TNS3: variants seen among roughly 807,000 people sequenced by gnomAD.
TNS3 encodes the protein tensin-3.
A neutral mutation model predicts 140.9 loss-of-function variants in TNS3; 45 were observed. That is an observed-to-expected ratio of 0.32 (90% CI 0.25 to 0.41). The LOEUF (loss-of-function observed/expected upper bound fraction) is 0.41, where lower values mean the gene tolerates loss of function less well. TNS3 is among the 10% of genes least tolerant of loss of function. TNS3 has a pLI of 1.00. For missense variants in TNS3, 1,716 were observed against 1,906.7 expected (o/e 0.90, Z 1.86); for synonymous variants, 815 against 788.4 (o/e 1.03, Z -0.56).
chr7:47,510,766 T>C (rs752859863), intron 2 of TNS3, among the ~76,000 whole-genome samples: 2 of 150,690 alleles, frequency 1.3e-5, no homozygotes, highest in African/African-American at 2.4e-5. Flanking sequence ...TCCCAGCTAC[T>C]TGGGAGGCTG....
chr7:47,340,036 C>A (rs886984379), intron 20 of TNS3, among the ~76,000 whole-genome samples: 7 of 116,030 alleles, frequency 6.0e-5, no homozygotes, highest in Non-Finnish European at 1.2e-4. Context: ...TATATGTATA[C>A]ATATGTGTAT....
At chr7:47,308,764 C>T (rs910011867) in intron 20 of TNS3, among the ~76,000 whole-genome samples, 1 of 152,184 alleles carries the variant, frequency 6.6e-6, no homozygotes, top group African/African-American at 2.4e-5. Context: ...TGATACTTTC[C>T]TCTCTTGCTC....
intron 20 of TNS3, among the ~76,000 whole-genome samples, chr7:47,339,012 C>T (rs1001715559): frequency 5.9e-5 from 9 of 152,160 alleles, no homozygotes; most frequent in Middle Eastern, 3.4e-3. Flanking sequence ...TGTTGTTTTT[C>T]GACTTTTTAA....
intron 4 of TNS3, among the ~76,000 whole-genome samples, chr7:47,473,710 T>C (rs1203784826): frequency 6.6e-6 from 1 of 152,168 alleles, no homozygotes; most frequent in Non-Finnish European, 1.5e-5. Flanking sequence ...CACTGCAGGC[T>C]GGGGCCGGCA....
At chr7:47,427,296 G>GT (rs1269902865) in intron 9 of TNS3, among the ~76,000 whole-genome samples, 1 of 152,100 alleles carries the variant, frequency 6.6e-6, no homozygotes, top group African/African-American at 2.4e-5. Context: ...CACCAAGAGG[G>GT]TATCTGATTT....
At position 47,427,614 on chromosome 7, in the gene TNS3, T is replaced by C. The variant is rs142688157; in HGVS notation, c.389+698A>G. ...CCACAGCTGCCCAGGGCCAGAAGGA[T>C]GGGCATAGGGCTGAGGTCCTTGTGG... On this transcript the variant is annotated intron_variant, in intron 9 of 30. Transcript: ENST00000311160. Among the ~76,000 whole-genome samples, 453 of 152,340 alleles carry C rather than the reference T, an allele frequency of 3.0e-3. 1 individual carries two copies. The highest frequency in any genetic ancestry group is 0.01 in the African/African-American group (429 of 41,570).
intron 20 of TNS3, among the ~76,000 whole-genome samples, chr7:47,310,823 G>A (rs1474815902): frequency 6.6e-6 from 1 of 152,200 alleles, no homozygotes; most frequent in Non-Finnish European, 1.5e-5. Flanking sequence ...TGCAGTGTTT[G>A]GTTTTCTGTC....
At chr7:47,522,107 G>C (rs1001454741) in intron 2 of TNS3, among the ~76,000 whole-genome samples, 1 of 152,212 alleles carries the variant, frequency 6.6e-6, no homozygotes, top group Non-Finnish European at 1.5e-5. Context: ...CTGGGTCCCA[G>C]GTATCAGCAG....
intron 1 of TNS3, among the ~76,000 whole-genome samples, chr7:47,553,246 G>A (rs1800108698): frequency 6.6e-6 from 1 of 152,250 alleles, no homozygotes; most frequent in Admixed American, 6.5e-5. Context: ...ATCTAGCTAA[G>A]ACCATTGATG....
chr7:47,278,104 A>T lies in TNS3; in HGVS notation c.4310T>A (p.Val1437Asp). The change falls in exon 31 of 31, where the codon GTC (valine) becomes GAC (aspartate). Residue 1437 changes from valine (V) to aspartate (D), a missense_variant. By Grantham distance (152) the Val-to-Asp change is radical. Coordinates refer to ENST00000311160, the MANE Select transcript of TNS3 (RefSeq NM_022748.12). ...GACCTTCTTTGGGGAACCAATCATG[A>T]CCTTTGATACGAAGTTGACAATGGC... ...ASAIVNFVSK[V>D]MIGSPKKV 6.2e-7 allele frequency: 1 copy of T among 1,614,062 alleles called. No individual in the cohort carries two copies. Among genetic ancestry groups the T allele is most frequent in the Non-Finnish European group, 8.5e-7 (1 of 1,179,990 alleles).
At chr7:47,572,330 C>T (rs1198246783) in intron 1 of TNS3, among the ~76,000 whole-genome samples, 3 of 152,304 alleles carry the variant, frequency 2.0e-5, no homozygotes, top group Non-Finnish European at 2.9e-5. Context: ...GAACCATTCG[C>T]GCGGTAGTCA....
At chr7:47,373,162 T>G (rs1791177053) in intron 16 of TNS3, among the ~76,000 whole-genome samples, 1 of 152,164 alleles carries the variant, frequency 6.6e-6, no homozygotes, top group Non-Finnish European at 1.5e-5. Flanking sequence ...AGGAAGAGCT[T>G]GAACTTCAGT....
chr7:47,402,662 G>A (rs1003050943), intron 13 of TNS3, among the ~76,000 whole-genome samples: 25 of 152,142 alleles, frequency 1.6e-4, no homozygotes, highest in African/African-American at 5.8e-4. Context: ...GGTCCTTCTG[G>A]CCAAGGGTAA....
chr7:47,446,800 C>T (rs968046797), intron 4 of TNS3, among the ~76,000 whole-genome samples: 1 of 149,914 alleles, frequency 6.7e-6, no homozygotes, highest in Non-Finnish European at 1.5e-5. Flanking sequence ...TCAGATCATC[C>T]TCCCACCTCA....
chr7:47,383,635 G>A (rs1485302813), intron 16 of TNS3, among the ~76,000 whole-genome samples: 8 of 152,162 alleles, frequency 5.3e-5, no homozygotes, highest in East Asian at 3.8e-4. Flanking sequence ...AGAAAGCAAC[G>A]GCAACCAGCC....
chr7:47,368,476 C>T lies in TNS3; in HGVS notation c.2170G>A (p.Gly724Ser), dbSNP rs199938891. The T allele has an allele frequency of 2.1e-4, 342 of 1,592,030 alleles. 2 individuals carry two copies. Among genetic ancestry groups the T allele is most frequent in the Admixed American group, 1.7e-4 (10 of 58,952 alleles). ...GACACAGAGCCATTGGCCTGGCTAC[C>T]GAGGGCGTTCATGTGGGTAGGGATG... is the stretch of plus-strand genomic sequence containing the variant. ...EPIPTHMNAL[G>S]SQANGSVSPD... Residue 724 changes from glycine (G) to serine (S), a missense_variant, in exon 17 of 31, where the codon GGT becomes AGT. Around this residue, in one of 3 missense-constraint regions of TNS3, gnomAD observed 1,163 missense variants for 1,182.1 expected, o/e 0.98. Transcript: ENST00000311160.
intron 1 of TNS3, among the ~76,000 whole-genome samples, chr7:47,576,347 C>A (rs1800675397): frequency 6.6e-6 from 1 of 152,030 alleles, no homozygotes. Flanking sequence ...GAGGAGCAAA[C>A]CTGTGGAGGA....
chr7:47,302,906 G>C (rs1786488982), intron 22 of TNS3, 44 bp downstream of exon 22: 1 of 1,550,730 alleles, frequency 6.4e-7, no homozygotes, highest in African/African-American at 1.4e-5. Context: ...CTTCCCCAGT[G>C]AATGGACAGA....
chr7:47,548,136 G>T (rs1433520822), intron 1 of TNS3, among the ~76,000 whole-genome samples: 2 of 152,184 alleles, frequency 1.3e-5, no homozygotes, highest in African/African-American at 4.8e-5. Context: ...CTGACCTCAG[G>T]TGATCCACCC....
Sources: allele counts gnomAD v4.1 joint callset (sites outside exome capture counted in the v4.1 genomes callset), GRCh38; gene constraint gnomAD v4.1.1; regional missense constraint gnomAD v4.1.1; transcripts MANE v1.5; gene names NCBI Gene and HGNC (gene_info 2026-07-23, HGNC 2026-07-21).